The following PKHD1 variants were observed in gnomAD, a reference collection of about 807,000 sequenced individuals.
PKHD1 encodes fibrocystin.
In PKHD1, 291 loss-of-function variants were observed where a neutral mutation model predicts 412.0. The ratio of observed to expected loss-of-function variants is 0.71; its 90% CI spans 0.64 to 0.78. The LOEUF (loss-of-function observed/expected upper bound fraction) is 0.78. Among genes scored for constraint, PKHD1 ranks in the 30% least tolerant of loss-of-function variants. The pLI is 0.00. For missense variants in PKHD1, 4,825 were observed against 4,950.7 expected (o/e 0.97, Z 0.76); for synonymous variants, 1,777 against 1,821.5 (o/e 0.98, Z 0.62).
chr6:51,888,286 T>A lies in PKHD1; in HGVS notation c.6997-1041A>T, dbSNP rs1424098718. 2.6e-5 allele frequency among the ~76,000 whole-genome samples: 4 copies of A among 152,190 alleles called. No homozygotes were observed. In the South Asian group the frequency reaches 6.2e-4, roughly 24 times the overall value. ...TTATGTGTTCATATAAAATCTGACT[T>A]CTCTCTCTTGGACCATATGAGTTTG... On this transcript the variant is annotated intron_variant, in intron 43 of 66. Transcript: ENST00000371117.
intron 46 of PKHD1, among the ~76,000 whole-genome samples, chr6:51,872,869 C>T (rs1024730995): frequency 7.1e-5 from 9 of 127,302 alleles, no homozygotes; most frequent in Non-Finnish European, 1.3e-4. Flanking sequence ...CACCTTCCAT[C>T]GTTTCCTTTT....
At chr6:51,721,812 A>G (rs547476089) in intron 60 of PKHD1, 7 of 1,492,570 alleles carry the variant, frequency 4.7e-6, no homozygotes, top group South Asian at 2.7e-5. Flanking sequence ...CATCCTCTCC[A>G]TTCTGGCTGC....
chr6:51,904,089 GGAAAACAA>G, intron 41 of PKHD1, 47 bp from the exon 42 acceptor site: 4 of 1,267,278 alleles, frequency 3.2e-6, no homozygotes, highest in Non-Finnish European at 4.6e-6. Flanking sequence ...ATGTCACTTA[GGAAAACAA>G]GAGATGCTGC....
At chr6:51,901,692 A>T (rs1409138622) in intron 43 of PKHD1, among the ~76,000 whole-genome samples, 3 of 41,980 alleles carry the variant, frequency 7.1e-5, no homozygotes, top group African/African-American at 5.3e-4. Flanking sequence ...AAAAAACTTA[A>T]AAAAAAAAAA....
At chr6:51,864,840 G>A (rs1043071336) in intron 48 of PKHD1, among the ~76,000 whole-genome samples, 7 of 151,274 alleles carry the variant, frequency 4.6e-5, no homozygotes, top group Admixed American at 4.6e-4. Flanking sequence ...TCACTCTTAC[G>A]GCACATCACA....
In PKHD1 at chr6:51,642,779, G is replaced by A. The variant is rs531242993; in HGVS notation, c.11399-3823C>T. ...CACTTGAACCCGGGAGGCAGAGGTT[G>A]CAGTGAGACAAGATCGTGCCACTGC... is the stretch of plus-strand genomic sequence containing the variant. On this transcript the variant is annotated intron_variant, in intron 63 of 66. Transcript: ENST00000371117. Among the ~76,000 whole-genome samples the A allele has an allele frequency of 1.6e-3, 249 of 152,306 alleles. 1 individual carries two copies. Among genetic ancestry groups the A allele is most frequent in the African/African-American group, 5.7e-3 (238 of 41,580 alleles).
rs201082169 is a variant in PKHD1 at position 51,659,952 on chromosome 6, G to A, written c.10174C>T (p.Gln3392Ter). 42 of 1,603,486 alleles carry A rather than the reference G, an allele frequency of 2.6e-5. No homozygotes were observed. Among genetic ancestry groups the A allele is most frequent in the Non-Finnish European group, 3.5e-5 (41 of 1,170,910 alleles). ...FFNAGTFREE[Q>*]KCTYQFLMQG... ...ATCAGAAATTGGTATGTACATTTCT[G>A]TTCTTCTCTAAATGTACCTATAAAA... Residue 3392 changes from glutamine (Q) to a stop codon, truncating the protein, a stop_gained, in exon 61 of 67, where the codon CAG (glutamine) becomes TAG (stop). Transcript: ENST00000371117. LOFTEE classifies it high-confidence loss of function.
intron 36 of PKHD1, among the ~76,000 whole-genome samples, chr6:51,949,388 A>T (rs887877180): frequency 6.6e-6 from 1 of 152,134 alleles, no homozygotes; most frequent in Non-Finnish European, 1.5e-5. Flanking sequence ...TGATCTGGGC[A>T]GAGTTGGAGT....
rs77047530 is a variant in PKHD1, at chr6:51,869,415, T to A, written c.7486+1089A>T. 1.5e-3 allele frequency among the ~76,000 whole-genome samples: 225 copies of A among 152,250 alleles called. 3 individuals carry two copies. In the East Asian group the frequency reaches 0.016, roughly 11 times the overall value. Reference sequence around the variant, plus strand: ...TCCTCTATTACTGCGTTCATCATGCTCTCTTACAATAATAGGCTTGGACAT... The same window carrying A: ...TCCTCTATTACTGCGTTCATCATGCACTCTTACAATAATAGGCTTGGACAT... On this transcript the variant is annotated intron_variant, in intron 47 of 66. Coordinates refer to ENST00000371117, the MANE Select transcript of PKHD1 (RefSeq NM_138694.4).
chr6:51,996,713 C>T (rs1026748090), intron 35 of PKHD1, among the ~76,000 whole-genome samples: 1 of 152,170 alleles, frequency 6.6e-6, no homozygotes, highest in Non-Finnish European at 1.5e-5. Flanking sequence ...CTTGTTTTCA[C>T]CCCCTCAAAA....
Position 52,025,353 on chromosome 6 carries a change from G to A in PKHD1, c.4457C>T (p.Pro1486Leu), listed in dbSNP as rs1421520936. 6.2e-7 allele frequency: 1 copy of A among 1,613,852 alleles called. No individual in the cohort carries two copies. Among genetic ancestry groups the A allele is most frequent in the Non-Finnish European group, 8.5e-7 (1 of 1,179,786 alleles). ...CTLFIREEAS[P>L]VMDALSTNTS... ...GTTTGTGGACAAGGCATCCATGACA[G>A]GACTTGCCTCTTCCCTTATGAAAAG... The change falls in exon 32 of 67, where the codon CCT (proline) becomes CTT (leucine). Residue 1486 changes from proline to leucine, a missense_variant. Coordinates refer to ENST00000371117, the MANE Select transcript of PKHD1 (RefSeq NM_138694.4).
chr6:51,713,440 C>T (rs943539246), intron 60 of PKHD1, among the ~76,000 whole-genome samples: 3 of 152,196 alleles, frequency 2.0e-5, no homozygotes, highest in African/African-American at 7.2e-5. Context: ...CTCCTCTACT[C>T]ACTATGAAGC....
intron 35 of PKHD1, among the ~76,000 whole-genome samples, chr6:51,981,316 C>G (rs142824851): frequency 0.027 from 300 of 10,942 alleles, 24 homozygotes; most frequent in East Asian, 0.22. Flanking sequence ...TCAAGCTCTC[C>G]CTCTCCCTCT....
At chr6:52,013,519 G>A (rs1438519757) in intron 34 of PKHD1, among the ~76,000 whole-genome samples, 1 of 151,888 alleles carries the variant, frequency 6.6e-6, no homozygotes, top group Non-Finnish European at 1.5e-5. Context: ...CTCTTCCATG[G>A]TTTCTTCCAC....
chr6:51,845,660 A>T (rs1011062804), intron 50 of PKHD1, among the ~76,000 whole-genome samples: 8 of 152,244 alleles, frequency 5.3e-5, no homozygotes, highest in Non-Finnish European at 8.8e-5. Flanking sequence ...GCACAGATAC[A>T]GATGTACCTC....
chr6:51,681,858 A>C lies in PKHD1; in HGVS notation c.10157-21889T>G, dbSNP rs564391841. 4.6e-5 allele frequency among the ~76,000 whole-genome samples: 7 copies of C among 152,192 alleles called. No individual in the cohort carries two copies. In the South Asian group the frequency reaches 1.0e-3, roughly 23 times the overall value. ...ACAACAGCAGAGTTGAGAAATTGTGACAGAAACTGTATGGCCTACAAAGTT... is the reference window on the plus strand; with the variant it reads ...ACAACAGCAGAGTTGAGAAATTGTGCCAGAAACTGTATGGCCTACAAAGTT... On this transcript the variant is annotated intron_variant, in intron 60 of 66. Transcript: ENST00000371117.
Position 52,066,647 on chromosome 6 carries a change from C to T in PKHD1, c.779-570G>A, listed in dbSNP as rs1013708948. On this transcript the variant is annotated intron_variant, in intron 11 of 66. Transcript: ENST00000371117. ...GTGACTCAGGCCTGTAATCCCAGAA[C>T]TTTGGGAGGCCGAAGCGAGTGGCAG... 3.9e-5 allele frequency among the ~76,000 whole-genome samples: 6 copies of T among 152,282 alleles called. No homozygotes were observed. In the East Asian group the frequency reaches 1.2e-3, roughly 29 times the overall value.
intron 60 of PKHD1, among the ~76,000 whole-genome samples, chr6:51,668,616 C>G (rs1416665851): frequency 1.3e-5 from 2 of 152,170 alleles, no homozygotes; most frequent in Non-Finnish European, 2.9e-5. Context: ...GCATCCCTGT[C>G]TTGTGCCAGT....
chr6:52,040,582 T>A (rs1804704047), intron 27 of PKHD1, among the ~76,000 whole-genome samples: 1 of 152,176 alleles, frequency 6.6e-6, no homozygotes, highest in Non-Finnish European at 1.5e-5. Flanking sequence ...CATCTTCTAC[T>A]GCTCTCCCCT....
Sources: allele counts gnomAD v4.1 joint callset (sites outside exome capture counted in the v4.1 genomes callset), GRCh38; gene constraint gnomAD v4.1.1; transcripts MANE v1.5; gene names NCBI Gene and HGNC (gene_info 2026-07-23, HGNC 2026-07-21).